EEFSEC: variants seen among roughly 807,000 people sequenced by gnomAD.
The protein encoded by EEFSEC is eukaryotic elongation factor, selenocysteine-tRNA specific.
In EEFSEC, 43 loss-of-function variants were observed where a neutral mutation model predicts 42.1. That is an observed-to-expected ratio of 1.02 (90% CI 0.80 to 1.32). The LOEUF is 1.32. EEFSEC is among the 40% of genes most tolerant of loss of function. EEFSEC has a pLI of 0.00. For synonymous variants in EEFSEC, 354 were observed against 339.1 expected, an observed-to-expected ratio of 1.04 and a Z score of -0.48; for missense variants, 745 against 803.6, an observed-to-expected ratio of 0.93 and a Z score of 0.88.
chr3:128,383,157 C>T (rs2067797159), intron 6 of EEFSEC, among the ~76,000 whole-genome samples: 1 of 152,216 alleles, frequency 6.6e-6, no homozygotes, highest in South Asian at 2.1e-4. Flanking sequence ...AGCACCATCC[C>T]GCTGTCTCTT....
intron 4 of EEFSEC, among the ~76,000 whole-genome samples, chr3:128,335,368 G>C (rs558507135): frequency 1.3e-5 from 2 of 152,258 alleles, no homozygotes; most frequent in East Asian, 1.9e-4. Flanking sequence ...CTTGCTGGGT[G>C]GGGTGACTGA....
At chr3:128,328,961 C>T (rs890135816) in intron 4 of EEFSEC, among the ~76,000 whole-genome samples, 5 of 152,200 alleles carry the variant, frequency 3.3e-5, no homozygotes, top group Non-Finnish European at 7.4e-5. Flanking sequence ...TACCCTGTGT[C>T]TCAGGAGGCT....
intron 6 of EEFSEC, among the ~76,000 whole-genome samples, chr3:128,362,819 C>G (rs925085044): frequency 6.6e-6 from 1 of 152,218 alleles, no homozygotes; most frequent in East Asian, 1.9e-4. Context: ...GGGTGCTGCT[C>G]ACGTGCCGGG....
intron 4 of EEFSEC, among the ~76,000 whole-genome samples, chr3:128,265,861 AT>A (rs1186135046): frequency 1.3e-5 from 2 of 152,228 alleles, no homozygotes; most frequent in African/African-American, 2.4e-5. Context: ...AGATGTAAAT[AT>A]GTAGATATCT....
chr3:128,286,952 G>C (rs1468624024), intron 4 of EEFSEC, among the ~76,000 whole-genome samples: 1 of 152,166 alleles, frequency 6.6e-6, no homozygotes, highest in Non-Finnish European at 1.5e-5. Context: ...CTCCTTGCTT[G>C]TCTGTGACCT....
At chr3:128,345,435 C>T (rs766762368) in intron 5 of EEFSEC, among the ~76,000 whole-genome samples, 1 of 152,134 alleles carries the variant, frequency 6.6e-6, no homozygotes, top group Non-Finnish European at 1.5e-5. Context: ...GGTTATCCAG[C>T]GCAGGGGCCA....
At chr3:128,167,033 G>A (rs2065248351) in intron 1 of EEFSEC, among the ~76,000 whole-genome samples, 1 of 152,170 alleles carries the variant, frequency 6.6e-6, no homozygotes, top group African/African-American at 2.4e-5. Context: ...CCCCTCCTGA[G>A]GGGTTGAGAT....
At chr3:128,321,221 C>T (rs2067004695) in intron 4 of EEFSEC, among the ~76,000 whole-genome samples, 3 of 152,092 alleles carry the variant, frequency 2.0e-5, no homozygotes. Flanking sequence ...CCGGGATGGG[C>T]TGGGGCAAGG....
chr3:128,321,306 C>G (rs1291370798), intron 4 of EEFSEC, among the ~76,000 whole-genome samples: 1 of 152,146 alleles, frequency 6.6e-6, no homozygotes, highest in East Asian at 1.9e-4. Context: ...TATAATTGCT[C>G]TCATGTGCCA....
At chr3:128,248,300 G>C (rs1005141888) in intron 2 of EEFSEC, among the ~76,000 whole-genome samples, 1 of 152,220 alleles carries the variant, frequency 6.6e-6, no homozygotes, top group Admixed American at 6.5e-5. Context: ...CAAGCAAGTA[G>C]AGAGCGTTTT....
chr3:128,187,998 T>G (rs1437549016), intron 1 of EEFSEC, among the ~76,000 whole-genome samples: 1 of 152,198 alleles, frequency 6.6e-6, no homozygotes, highest in Non-Finnish European at 1.5e-5. Context: ...TGGAAGCAGA[T>G]TATGAAGGGC....
chr3:128,180,984 C>T (rs765795819), intron 1 of EEFSEC, among the ~76,000 whole-genome samples: 3 of 152,156 alleles, frequency 2.0e-5, no homozygotes, highest in Non-Finnish European at 2.9e-5. Flanking sequence ...TTGGAGACCT[C>T]GGAAATTTGA....
intron 6 of EEFSEC, among the ~76,000 whole-genome samples, chr3:128,390,151 C>A (rs1455333579): frequency 6.6e-6 from 1 of 152,196 alleles, no homozygotes; most frequent in African/African-American, 2.4e-5. Flanking sequence ...GACTGTTTCT[C>A]CTGGATATAA....
intron 4 of EEFSEC, among the ~76,000 whole-genome samples, chr3:128,266,849 A>T (rs2066359632): frequency 6.6e-6 from 1 of 152,114 alleles, no homozygotes. Context: ...AAAGTGTAAA[A>T]GTAGATTCAG....
chr3:128,384,622 T>G (rs1012134391), intron 6 of EEFSEC, among the ~76,000 whole-genome samples: 3 of 152,146 alleles, frequency 2.0e-5, no homozygotes, highest in Non-Finnish European at 4.4e-5. Flanking sequence ...GTACAAGGCC[T>G]GAGGTGGCTG....
At chr3:128,322,291 A>G (rs755344963) in intron 4 of EEFSEC, among the ~76,000 whole-genome samples, 31 of 152,206 alleles carry the variant, frequency 2.0e-4, no homozygotes, top group Non-Finnish European at 4.6e-4. Flanking sequence ...GCCTGCGCCT[A>G]CTTGCCCTGC....
At chr3:128,358,959 C>T (rs1011944709) in intron 6 of EEFSEC, among the ~76,000 whole-genome samples, 1 of 152,192 alleles carries the variant, frequency 6.6e-6, no homozygotes, top group African/African-American at 2.4e-5. Context: ...GCCTACACTG[C>T]ATCATGTTCT....
At chr3:128,210,734 G>A (rs1043608780) in intron 1 of EEFSEC, among the ~76,000 whole-genome samples, 1 of 152,178 alleles carries the variant, frequency 6.6e-6, no homozygotes, top group Admixed American at 6.5e-5. Context: ...TGATTCACAC[G>A]TGTCATGACA....
intron 6 of EEFSEC, among the ~76,000 whole-genome samples, chr3:128,373,521 C>T (rs1159528068): frequency 6.6e-6 from 1 of 152,198 alleles, no homozygotes; most frequent in Admixed American, 6.5e-5. Flanking sequence ...TTCACTGCTG[C>T]CGGGTAGTTA....
Sources: gnomAD v4.1 joint callset for allele counts (sites outside exome capture counted in the v4.1 genomes callset) on GRCh38, gnomAD v4.1.1 for gene constraint, MANE v1.5 for transcripts, NCBI Gene and HGNC (gene_info 2026-07-23, HGNC 2026-07-21) for gene names.